The following PDXK variants were observed in gnomAD, a reference collection of about 807,000 sequenced individuals.
PDXK encodes pyridoxal kinase.
A neutral mutation model predicts 43.2 loss-of-function variants in PDXK; 15 were observed. That is an observed-to-expected ratio of 0.35 (90% confidence interval 0.23 to 0.53). The LOEUF is 0.53. Among genes scored for constraint, PDXK ranks in the 20% least tolerant of loss-of-function variants. The pLI is 0.92. For missense variants in PDXK, 343 were observed against 417.0 expected (o/e 0.82, Z 1.54); for synonymous variants, 172 against 165.4 (o/e 1.04, Z -0.31).
chr21:43,743,110 C>A (rs116705896), intron 3 of PDXK, among the ~76,000 whole-genome samples: 2,119 of 137,074 alleles, frequency 0.015, 29 homozygotes, highest in African/African-American at 0.055. Context: ...CCACCTCCCT[C>A]CCCCCGCTCT....
intron 2 of PDXK, chr21:43,741,039 T>A (rs112556345): frequency 6.9e-6 from 1 of 145,514 alleles, no homozygotes; most frequent in African/African-American, 2.6e-5. Context: ...AGCCGTGAGC[T>A]GGTGTGTCTC....
At chr21:43,755,573 C>A in intron 9 of PDXK, 125 bp from the exon 10 acceptor site, 1 of 827,336 alleles carries the variant, frequency 1.2e-6, no homozygotes, top group African/African-American at 1.7e-5. Flanking sequence ...TTGGCGGAGC[C>A]GGCTCCCCGG....
At position 43,732,279 on chromosome 21, in the gene PDXK, C is replaced by T. The variant is rs984801221; in HGVS notation, c.88-1790C>T. Reference sequence around the variant, plus strand: ...GGACATGTGTAACAGCAGGAGATACCTTTCTCTGGGGTCCCAGGCTCCCGT... The same window carrying T: ...GGACATGTGTAACAGCAGGAGATACTTTTCTCTGGGGTCCCAGGCTCCCGT... On this transcript the variant is annotated intron_variant, in intron 1 of 10. Coordinates refer to ENST00000291565, the MANE Select transcript of PDXK (RefSeq NM_003681.5). The surrounding 1 kb of genome is among the most constrained non-coding windows in gnomAD (Gnocchi z 4.1). 1.3e-6 allele frequency: 2 copies of T among 1,547,068 alleles called. No individual in the cohort carries two copies. Among genetic ancestry groups the T allele is most frequent in the Non-Finnish European group, 8.7e-7 (1 of 1,149,206 alleles).
chr21:43,751,618 C>A (rs1423344754), intron 7 of PDXK, among the ~76,000 whole-genome samples: 1 of 152,200 alleles, frequency 6.6e-6, no homozygotes, highest in Non-Finnish European at 1.5e-5. Flanking sequence ...CTGGGAAGTC[C>A]AAGGTCAAGG....
intron 5 of PDXK, among the ~76,000 whole-genome samples, chr21:43,748,099 A>G (rs2147291418): frequency 6.6e-6 from 1 of 152,370 alleles, no homozygotes; most frequent in Admixed American, 6.5e-5. Flanking sequence ...TTGGAAACTC[A>G]GGCCACTCAG....
chr21:43,752,157 C>T (rs539323383), intron 7 of PDXK, among the ~76,000 whole-genome samples: 32 of 152,240 alleles, frequency 2.1e-4, no homozygotes, highest in African/African-American at 7.5e-4. Flanking sequence ...CTGAGGCAAC[C>T]GTGCGGTGGA....
In PDXK at chr21:43,754,454, T is replaced by C. The variant is rs912084294; in HGVS notation, c.759+735T>C. On this transcript the variant is annotated intron_variant, in intron 9 of 10. Coordinates refer to ENST00000291565, the MANE Select transcript of PDXK (RefSeq NM_003681.5). The surrounding 1 kb of genome is among the most constrained non-coding windows in gnomAD (Gnocchi z 5.5). ...CAGATCCGTGACCTCCCGTGCTGCATGCAGCAGAGTTGCTTGTGGCCTCGG... is the reference window on the plus strand; with the variant it reads ...CAGATCCGTGACCTCCCGTGCTGCACGCAGCAGAGTTGCTTGTGGCCTCGG... Among the ~76,000 whole-genome samples the C allele has an allele frequency of 3.9e-5, 6 of 152,270 alleles. No individual in the cohort carries two copies. In the East Asian group the frequency reaches 7.7e-4, roughly 20 times the overall value.
At chr21:43,730,190 G>T (rs1246264129) in intron 1 of PDXK, among the ~76,000 whole-genome samples, 2 of 151,946 alleles carry the variant, frequency 1.3e-5, no homozygotes, top group Non-Finnish European at 2.9e-5. Flanking sequence ...GCTAGTTGCA[G>T]TCTTGGCTCA....
At position 43,735,457 on chromosome 21, in the gene PDXK, G is replaced by C. The variant is rs2083386451; in HGVS notation, c.142+1334G>C. On this transcript the variant is annotated intron_variant, in intron 2 of 10. Transcript: ENST00000291565. The surrounding 1 kb of genome is among the most constrained non-coding windows in gnomAD (Gnocchi z 5.3). The stretch of plus-strand genomic sequence containing the variant: ...AGGCTTGGTGGAAGCTTCTCAGTGG[G>C]TGGTGGGCTGGCTGACCCGAGGGCC... Among the ~76,000 whole-genome samples, 1 of 152,074 alleles carries C rather than the reference G, an allele frequency of 6.6e-6. No individual in the cohort carries two copies. The highest frequency in any genetic ancestry group is 1.5e-5 in the Non-Finnish European group (1 of 68,008).
intron 1 of PDXK, among the ~76,000 whole-genome samples, chr21:43,727,730 G>A (rs1367303220): frequency 6.6e-6 from 1 of 152,242 alleles, no homozygotes; most frequent in African/African-American, 2.4e-5. Flanking sequence ...GCCAGCCGGG[G>A]CACAGGGAGG....
chr21:43,756,027 G>C lies in PDXK; in HGVS notation c.903G>C (p.Glu301Asp). The C allele has an allele frequency of 6.2e-7, 1 of 1,612,800 alleles. No homozygotes were observed. The highest frequency in any genetic ancestry group is 2.2e-5 in the East Asian group (1 of 44,812). The change falls in exon 11 of 11, where the codon GAG becomes GAC. Residue 301 changes from glutamate to aspartate, a missense_variant. By Grantham distance (45) the Glu-to-Asp change is conservative (BLOSUM62 2). Coordinates refer to ENST00000291565, the MANE Select transcript of PDXK (RefSeq NM_003681.5). ...LRMVQSKRDIEDPEIVVQATV... is the reference protein window; with the variant it reads ...LRMVQSKRDIDDPEIVVQATV... Reference sequence around the variant, plus strand: ...TGGTGCAGAGCAAAAGGGACATCGAGGACCCAGAGATCGTCGTCCAGGCCA... The same window carrying C: ...TGGTGCAGAGCAAAAGGGACATCGACGACCCAGAGATCGTCGTCCAGGCCA...
At position 43,735,609 on chromosome 21, in the gene PDXK, G is replaced by A. The variant is rs994144512; in HGVS notation, c.142+1486G>A. On this transcript the variant is annotated intron_variant, in intron 2 of 10. Coordinates refer to ENST00000291565, the MANE Select transcript of PDXK (RefSeq NM_003681.5). The surrounding 1 kb of genome is among the most constrained non-coding windows in gnomAD (Gnocchi z 5.3). ...GCCTGGGGGTGTCCCTTCCCATGGG[G>A]TCCAGCCTGTGGTTCCTGGGAGCCC... Among the ~76,000 whole-genome samples the A allele has an allele frequency of 6.6e-6, 1 of 152,198 alleles. No homozygotes were observed. The highest frequency in any genetic ancestry group is 2.4e-5 in the African/African-American group (1 of 41,448).
intron 7 of PDXK, among the ~76,000 whole-genome samples, 154 bp downstream of exon 7, chr21:43,750,699 ATG>A (rs1026372406): frequency 3.9e-5 from 6 of 152,088 alleles, no homozygotes; most frequent in Non-Finnish European, 7.4e-5. Context: ...AGCAGGATAT[ATG>A]TGTGTGTGTA....
rs368419531 is a variant in PDXK, at chr21:43,748,586, G to A, written c.379-409G>A. Reference sequence around the variant, plus strand: ...TGACTCAGCCAGGAAGAGCTGGCGGGTTGGGCTCCCAGTCGCAGATGGACA... The same window carrying A: ...TGACTCAGCCAGGAAGAGCTGGCGGATTGGGCTCCCAGTCGCAGATGGACA... On this transcript the variant is annotated intron_variant, in intron 5 of 10. Coordinates refer to ENST00000291565, the MANE Select transcript of PDXK (RefSeq NM_003681.5). 5.3e-4 allele frequency: 89 copies of A among 167,886 alleles called. No individual in the cohort carries two copies. The South Asian group carries it at 0.016, about 31-fold the overall frequency. The allele number at this position is 167,886 out of a possible 1,614,324, so 10.4% of individuals were successfully genotyped here.
At chr21:43,750,754 T>G (rs1274079175) in intron 7 of PDXK, among the ~76,000 whole-genome samples, 3 of 147,760 alleles carry the variant, frequency 2.0e-5, no homozygotes, top group Non-Finnish European at 4.5e-5. Context: ...TGTGTGCATG[T>G]GTGCGTGTGT....
At chr21:43,729,578 G>A (rs2083291936) in intron 1 of PDXK, among the ~76,000 whole-genome samples, 1 of 152,164 alleles carries the variant, frequency 6.6e-6, no homozygotes, top group Non-Finnish European at 1.5e-5. Context: ...GACGCTCAAG[G>A]GCTGGGTTTA....
At chr21:43,750,415 C>T (rs900698417) in intron 6 of PDXK, 85 bp from the exon 7 acceptor site, 38 of 1,226,706 alleles carry the variant, frequency 3.1e-5, no homozygotes, top group African/African-American at 2.8e-4. Context: ...TTTCCAGAGC[C>T]GCTGCGGTTT....
intron 1 of PDXK, among the ~76,000 whole-genome samples, chr21:43,730,315 G>A (rs915062846): frequency 3.9e-5 from 6 of 152,038 alleles, no homozygotes; most frequent in South Asian, 2.1e-4. Context: ...TAGTAGAGAC[G>A]GGGTTTTGCC....
chr21:43,733,793 A>T, intron 1 of PDXK: 1 of 781,974 alleles, frequency 1.3e-6, no homozygotes, highest in Non-Finnish European at 1.9e-6. Context: ...GTGCTTCCCC[A>T]TGGAGGTCCT....
Sources: gnomAD v4.1 joint callset for allele counts (sites outside exome capture counted in the v4.1 genomes callset) on GRCh38, gnomAD v4.1.1 for gene constraint, Gnocchi (gnomAD v3.1) non-coding constraint, MANE v1.5 for transcripts, NCBI Gene and HGNC (gene_info 2026-07-23, HGNC 2026-07-21) for gene names.